RALYL: variants seen among roughly 807,000 people sequenced by gnomAD.
RALYL encodes the protein RNA-binding Raly-like protein.
A neutral mutation model predicts 35.1 loss-of-function variants in RALYL; 29 were observed. The ratio of observed to expected loss-of-function variants is 0.83; its 90% confidence interval spans 0.61 to 1.13. The LOEUF (loss-of-function observed/expected upper bound fraction) is 1.13. Among genes scored for constraint, RALYL ranks in the 50% most tolerant of loss-of-function variants. The pLI is 0.00. For missense variants in RALYL, 359 were observed against 360.4 expected (o/e 1.00, Z 0.03); for synonymous variants, 120 against 127.6 (o/e 0.94, Z 0.40).
chr8:84,528,348 A>AGGAAGGAAAGAAG (rs1289108940), intron 1 of RALYL, among the ~76,000 whole-genome samples: 1 of 152,146 alleles, frequency 6.6e-6, no homozygotes, highest in Non-Finnish European at 1.5e-5. Context: ...GAAGGAAGAA[A>AGGAAGGAAAGAAG]GGAAGGAAAG....
intron 1 of RALYL, among the ~76,000 whole-genome samples, chr8:84,338,235 G>A (rs986600042): frequency 4.0e-5 from 6 of 151,898 alleles, no homozygotes; most frequent in Non-Finnish European, 8.8e-5. Context: ...TTATAGGTAA[G>A]AGAAATTACA....
chr8:84,697,766 T>A (rs1255626506), intron 2 of RALYL, among the ~76,000 whole-genome samples: 1 of 152,014 alleles, frequency 6.6e-6, no homozygotes, highest in Non-Finnish European at 1.5e-5. Context: ...AAGGCCCTAG[T>A]GTCTGTTTTT....
At chr8:84,571,895 T>A (rs1230246275) in intron 2 of RALYL, among the ~76,000 whole-genome samples, 1 of 151,920 alleles carries the variant, frequency 6.6e-6, no homozygotes, top group African/African-American at 2.4e-5. Flanking sequence ...AGGAAATTGT[T>A]TAGTTTTCAT....
chr8:84,538,606 TAAAAC>T (rs1261121347), intron 2 of RALYL, among the ~76,000 whole-genome samples: 7 of 151,994 alleles, frequency 4.6e-5, no homozygotes, highest in South Asian at 2.1e-4. Flanking sequence ...AGTAAAATAA[TAAAAC>T]AAAATAGATT....
At chr8:84,360,905 C>T (rs1322733746) in intron 1 of RALYL, among the ~76,000 whole-genome samples, 4 of 149,450 alleles carry the variant, frequency 2.7e-5, no homozygotes, top group East Asian at 3.9e-4. Flanking sequence ...ATTTTTCTAG[C>T]AGTGAATCAG....
At chr8:84,679,608 C>A in intron 2 of RALYL, 1 of 463,980 alleles carries the variant, frequency 2.2e-6, no homozygotes, top group South Asian at 1.7e-5. Flanking sequence ...TTTGATGAAA[C>A]TGATGCTATT....
intron 3 of RALYL, among the ~76,000 whole-genome samples, chr8:84,793,389 T>C (rs1445781814): frequency 6.6e-6 from 1 of 152,214 alleles, no homozygotes; most frequent in Non-Finnish European, 1.5e-5. Flanking sequence ...TTGGGTCAAC[T>C]GCTCTTCAAA....
intron 1 of RALYL, among the ~76,000 whole-genome samples, chr8:84,202,877 C>T (rs751140859): frequency 1.6e-4 from 24 of 151,942 alleles, no homozygotes; most frequent in Non-Finnish European, 2.6e-4. Flanking sequence ...ATTTTCAGTA[C>T]GTACATGTAT....
intron 5 of RALYL, among the ~76,000 whole-genome samples, chr8:84,850,420 G>A (rs1229059350): frequency 6.6e-6 from 1 of 152,192 alleles, no homozygotes; most frequent in African/African-American, 2.4e-5. Context: ...ATGCTATATT[G>A]GGTAGAGTCT....
chr8:84,741,191 C>T (rs1589292356), intron 2 of RALYL, among the ~76,000 whole-genome samples: 1 of 152,048 alleles, frequency 6.6e-6, no homozygotes, highest in Non-Finnish European at 1.5e-5. Context: ...AGAGAAAGAA[C>T]ATCGTGTCTC....
chr8:84,732,668 T>TTATATATATATATATATGTG (rs1554553641), intron 2 of RALYL, among the ~76,000 whole-genome samples: 2 of 132,482 alleles, frequency 1.5e-5, no homozygotes, highest in African/African-American at 6.4e-5. Flanking sequence ...TATTAAATAA[T>TTATATATATATATATATGTG]TATATATATA....
chr8:84,562,084 T>A (rs2061500126), intron 2 of RALYL, among the ~76,000 whole-genome samples: 1 of 151,928 alleles, frequency 6.6e-6, no homozygotes, highest in African/African-American at 2.4e-5. Flanking sequence ...ACAATTTAAC[T>A]TCCAAATGCT....
chr8:84,286,712 A>G (rs1206964005), intron 1 of RALYL, among the ~76,000 whole-genome samples: 1 of 152,212 alleles, frequency 6.6e-6, no homozygotes, highest in Non-Finnish European at 1.5e-5. Flanking sequence ...CACAGGTCAT[A>G]AGTGGATTAA....
intron 1 of RALYL, among the ~76,000 whole-genome samples, chr8:84,500,572 T>A (rs711032): frequency 2.0e-5 from 3 of 151,794 alleles, no homozygotes; most frequent in East Asian, 3.9e-4. Context: ...GTCTCCAGTC[T>A]GATACTAATT....
intron 1 of RALYL, among the ~76,000 whole-genome samples, chr8:84,505,106 C>A (rs534570724): frequency 1.3e-4 from 20 of 152,206 alleles, no homozygotes; most frequent in African/African-American, 4.8e-4. Context: ...GAGTCAGATG[C>A]CATGAGTGCA....
intron 3 of RALYL, among the ~76,000 whole-genome samples, chr8:84,788,538 G>A (rs1377087741): frequency 6.6e-6 from 1 of 152,100 alleles, no homozygotes; most frequent in East Asian, 1.9e-4. Flanking sequence ...TTGGGAGGTG[G>A]GGCTGGTGTT....
chr8:84,841,350 A>G (rs565764917), intron 4 of RALYL, among the ~76,000 whole-genome samples: 1 of 152,312 alleles, frequency 6.6e-6, no homozygotes, highest in Admixed American at 6.5e-5. Flanking sequence ...TTAAACCAAC[A>G]AAGATCAAAA....
rs115274705 is a variant in RALYL, at chr8:84,384,031, C to T, written c.-23-145268C>T. Among the ~76,000 whole-genome samples the T allele has an allele frequency of 9.2e-3, 1,396 of 151,794 alleles. 20 individuals are homozygous for T. Among genetic ancestry groups the T allele is most frequent in the African/African-American group, 0.031 (1,286 of 41,470 alleles). ...CATATCAAATGCATATACATGTTCA[C>T]ACAGTTTTCGCCTCTTTAATTGCCT... On this transcript the variant is annotated intron_variant, in intron 1 of 8. Coordinates refer to ENST00000521268, the MANE Select transcript of RALYL (RefSeq NM_173848.7).
At chr8:84,519,120 A>G (rs2058274720) in intron 1 of RALYL, among the ~76,000 whole-genome samples, 1 of 151,582 alleles carries the variant, frequency 6.6e-6, no homozygotes, top group Admixed American at 6.6e-5. Flanking sequence ...TTTTGCCTTG[A>G]CTCTCCAGAT....
Sources: gnomAD v4.1 joint callset for allele counts (sites outside exome capture counted in the v4.1 genomes callset) on GRCh38, gnomAD v4.1.1 for gene constraint, MANE v1.5 for transcripts, NCBI Gene and HGNC (gene_info 2026-07-23, HGNC 2026-07-21) for gene names.